The following EIPR1 variants were observed in gnomAD, a reference collection of about 807,000 sequenced individuals.
EIPR1 encodes the protein EARP complex and GARP complex interacting protein 1, also known as EARP and GARP complex-interacting protein 1.
In EIPR1, 25 loss-of-function variants were observed where a neutral mutation model predicts 48.1. That is an observed-to-expected ratio of 0.52 (90% confidence interval 0.38 to 0.73). The LOEUF (loss-of-function observed/expected upper bound fraction) is 0.73. EIPR1 is among the 30% of genes least tolerant of loss of function. EIPR1 has a pLI of 0.00. For missense variants in EIPR1, 415 were observed against 506.2 expected, an observed-to-expected ratio of 0.82 and a Z score of 1.73; for synonymous variants, 204 against 201.9, an observed-to-expected ratio of 1.01 and a Z score of -0.09.
At chr2:3,253,144 T>A (rs1225782757) in intron 4 of EIPR1, among the ~76,000 whole-genome samples, 1 of 152,184 alleles carries the variant, frequency 6.6e-6, no homozygotes, top group Non-Finnish European at 1.5e-5. Context: ...CCACGGTCCT[T>A]TTTCCTAACC....
intron 1 of EIPR1, among the ~76,000 whole-genome samples, chr2:3,358,770 A>C (rs895157752): frequency 6.6e-6 from 1 of 152,152 alleles, no homozygotes; most frequent in African/African-American, 2.4e-5. Flanking sequence ...AGCCCTGACT[A>C]CTCCAAGGCT....
chr2:3,372,480 G>A (rs1315471183), intron 1 of EIPR1, among the ~76,000 whole-genome samples: 148 of 151,870 alleles, frequency 9.7e-4, no homozygotes, highest in African/African-American at 1.8e-3. Flanking sequence ...TTGATAGACC[G>A]CTAGCAAGAC....
chr2:3,208,442 C>T, intron 5 of EIPR1: 2 of 1,481,312 alleles, frequency 1.4e-6, no homozygotes, highest in Non-Finnish European at 1.8e-6. Context: ...ACTTCCTCTG[C>T]TTCCGTCGTT....
intron 5 of EIPR1, 93 bp from the exon 6 acceptor site, chr2:3,197,110 G>A: frequency 7.4e-7 from 1 of 1,348,752 alleles, no homozygotes; most frequent in Non-Finnish European, 1.0e-6. Flanking sequence ...TATACTCAAG[G>A]ATATTATTGA....
rs1349287960 is a variant in EIPR1 at position 3,199,068 on chromosome 2, C to G, written c.517-2051G>C. 5.7e-5 allele frequency among the ~76,000 whole-genome samples: 3 copies of G among 52,456 alleles called. 1 individual carries two copies. The highest frequency in any genetic ancestry group is 1.1e-4 in the African/African-American group (2 of 18,358). The allele number at this position is 52,456 out of a possible 152,430, so 34.4% of individuals were successfully genotyped here. ...GAGTGGCCATTTTAGAGGGCCCCCCCCCCGCCCCGGGAATGCATTCTTTTC... is the reference window on the plus strand; with the variant it reads ...GAGTGGCCATTTTAGAGGGCCCCCCGCCCGCCCCGGGAATGCATTCTTTTC... On this transcript the variant is annotated intron_variant, in intron 5 of 8. Transcript: ENST00000382125.
intron 4 of EIPR1, among the ~76,000 whole-genome samples, chr2:3,220,144 A>G (rs559142102): frequency 1.3e-5 from 2 of 152,298 alleles, no homozygotes; most frequent in East Asian, 3.9e-4. Flanking sequence ...CCATGGAAAA[A>G]TTGTCTTCCA....
chr2:3,243,134 C>T (rs1042294376), intron 4 of EIPR1, among the ~76,000 whole-genome samples: 5 of 152,174 alleles, frequency 3.3e-5, no homozygotes, highest in Non-Finnish European at 7.3e-5. Context: ...CTGGGACAAA[C>T]ATATAGCTCC....
At chr2:3,328,000 G>A (rs777881782) in intron 3 of EIPR1, among the ~76,000 whole-genome samples, 5 of 151,986 alleles carry the variant, frequency 3.3e-5, no homozygotes, top group Admixed American at 6.5e-5. Flanking sequence ...ACCCACCTTG[G>A]TCTCCATTTC....
chr2:3,268,798 C>T (rs567191266), intron 3 of EIPR1, among the ~76,000 whole-genome samples: 14 of 152,288 alleles, frequency 9.2e-5, no homozygotes, highest in African/African-American at 2.6e-4. Flanking sequence ...CTTCAAGCTC[C>T]GGTGATGTGG....
At chr2:3,305,724 A>G (rs1217641715) in intron 3 of EIPR1, among the ~76,000 whole-genome samples, 1 of 152,114 alleles carries the variant, frequency 6.6e-6, no homozygotes, top group African/African-American at 2.4e-5. Flanking sequence ...CACCGCCACA[A>G]TCTCTCCCAC....
At chr2:3,236,325 C>T (rs567885965) in intron 4 of EIPR1, among the ~76,000 whole-genome samples, 1 of 152,334 alleles carries the variant, frequency 6.6e-6, no homozygotes, top group South Asian at 2.1e-4. Context: ...CATGGCATCT[C>T]TGGCAAGTCA....
At chr2:3,329,355 ATG>A (rs1669815783) in intron 3 of EIPR1, among the ~76,000 whole-genome samples, 1 of 132,328 alleles carries the variant, frequency 7.6e-6, no homozygotes, top group African/African-American at 2.8e-5. Context: ...TGATCTCGGG[ATG>A]CCAGCCTGGG....
rs374588166 is a variant in EIPR1, at chr2:3,285,117, G to A, written c.260-27662C>T. Among the ~76,000 whole-genome samples, 12 of 152,264 alleles carry A rather than the reference G, an allele frequency of 7.9e-5. No individual in the cohort carries two copies. In the East Asian group the frequency reaches 2.3e-3, roughly 29 times the overall value. On this transcript the variant is annotated intron_variant, in intron 3 of 8. Transcript: ENST00000382125. ...AAGATGGCTGCTCACTCCATCTCAG[G>A]GCAGGCCGGACAGTCCCCCGAGGTC...
intron 3 of EIPR1, among the ~76,000 whole-genome samples, chr2:3,287,755 G>A (rs561775760): frequency 2.6e-5 from 4 of 151,986 alleles, no homozygotes; most frequent in Admixed American, 2.0e-4. Flanking sequence ...CATTCACTAT[G>A]CTCCAGAAAG....
intron 1 of EIPR1, among the ~76,000 whole-genome samples, chr2:3,372,655 A>G (rs893058622): frequency 1.3e-5 from 2 of 152,206 alleles, no homozygotes; most frequent in South Asian, 4.1e-4. Context: ...TCCTCAACAC[A>G]TACACTCTCC....
At chr2:3,340,901 A>G (rs1177067123) in intron 2 of EIPR1, among the ~76,000 whole-genome samples, 2 of 152,120 alleles carry the variant, frequency 1.3e-5, no homozygotes, top group Non-Finnish European at 2.9e-5. Context: ...GTTGAAGACC[A>G]GCCTGGACAA....
In EIPR1 at chr2:3,204,954, G is replaced by A. The variant is rs78527170; in HGVS notation, c.517-7937C>T. On this transcript the variant is annotated intron_variant, in intron 5 of 8. Coordinates refer to ENST00000382125, the MANE Select transcript of EIPR1 (RefSeq NM_003310.5). Reference sequence around the variant, plus strand: ...CAGCAGACCCTACTACTTGCAGGCCGCACTCACAGCAGACCCTACTACATG... The same window carrying A: ...CAGCAGACCCTACTACTTGCAGGCCACACTCACAGCAGACCCTACTACATG... 1.2e-4 allele frequency among the ~76,000 whole-genome samples: 19 copies of A among 152,292 alleles called. No homozygotes were observed. The East Asian group carries it at 1.9e-3, about 15-fold the overall frequency.
intron 5 of EIPR1, chr2:3,209,014 T>C (rs1665343271): frequency 6.9e-7 from 1 of 1,451,846 alleles, no homozygotes; most frequent in African/African-American, 1.4e-5. Context: ...GCGGGAACAA[T>C]AGTGGAGGTG....
chr2:3,313,586 C>T lies in EIPR1; in HGVS notation c.259+24431G>A, dbSNP rs558590019. ...GAGAAGGTCCACAAATTGCTGAAGGCCTCAGGGGTAATAAATGCTGGGACC... is the reference window on the plus strand; with the variant it reads ...GAGAAGGTCCACAAATTGCTGAAGGTCTCAGGGGTAATAAATGCTGGGACC... On this transcript the variant is annotated intron_variant, in intron 3 of 8. Transcript: ENST00000382125. 4.6e-5 allele frequency among the ~76,000 whole-genome samples: 7 copies of T among 152,240 alleles called. No homozygotes were observed. In the South Asian group the frequency reaches 1.2e-3, roughly 27 times the overall value.
Sources: gnomAD v4.1 joint callset for allele counts (sites outside exome capture counted in the v4.1 genomes callset) on GRCh38, gnomAD v4.1.1 for gene constraint, MANE v1.5 for transcripts, NCBI Gene and HGNC (gene_info 2026-07-23, HGNC 2026-07-21) for gene names.